The following GALNT13 variants were observed in gnomAD, a reference collection of about 807,000 sequenced individuals.
The protein encoded by GALNT13 is polypeptide N-acetylgalactosaminyltransferase 13.
Under a neutral mutation model 64.2 loss-of-function variants are expected in GALNT13, and 28 were observed. That is an observed-to-expected ratio of 0.44 (90% confidence interval 0.32 to 0.60). The LOEUF (loss-of-function observed/expected upper bound fraction) is 0.60, where lower values mean the gene tolerates loss of function less well. GALNT13 is among the 20% of genes least tolerant of loss of function. GALNT13 has a pLI of 0.05. For synonymous variants in GALNT13, 214 were observed against 224.6 expected (o/e 0.95, Z 0.42); for missense variants, 577 against 669.8 (o/e 0.86, Z 1.53).
At chr2:153,152,733 T>C in the GALNT13 span, among the ~76,000 whole-genome samples, 1 of 152,184 alleles carries the variant, frequency 6.6e-6, no homozygotes, top group Non-Finnish European at 1.5e-5. Flanking sequence ...GCAAAGGATA[T>C]GATCTCCTTC....
chr2:153,266,835 C>A, the GALNT13 span, among the ~76,000 whole-genome samples: 1 of 152,146 alleles, frequency 6.6e-6, no homozygotes, highest in Non-Finnish European at 1.5e-5. Context: ...GTTTCAAAAC[C>A]AATTATGCCT....
the GALNT13 span, among the ~76,000 whole-genome samples, chr2:153,623,448 G>C: frequency 1.3e-5 from 2 of 151,952 alleles, no homozygotes. Flanking sequence ...TATAAATGCC[G>C]CTCCATATAA....
At chr2:153,696,625 A>G in the GALNT13 span, among the ~76,000 whole-genome samples, 1 of 146,540 alleles carries the variant, frequency 6.8e-6, no homozygotes. Context: ...AATTACAACA[A>G]TATGTTGTAA....
At chr2:153,111,293 G>A in the GALNT13 span, among the ~76,000 whole-genome samples, 1 of 151,842 alleles carries the variant, frequency 6.6e-6, no homozygotes, top group Admixed American at 6.6e-5. Context: ...TGAAATACTA[G>A]GATAACAGTA....
intron 12 of GALNT13, among the ~76,000 whole-genome samples, chr2:154,444,941 G>T (rs866026439): frequency 1.3e-5 from 2 of 151,654 alleles, no homozygotes; most frequent in Non-Finnish European, 2.9e-5. Context: ...ATGAATAAAA[G>T]AATATTTTAT....
At chr2:154,175,534 A>AT (rs1377942333) in intron 4 of GALNT13, among the ~76,000 whole-genome samples, 1 of 152,122 alleles carries the variant, frequency 6.6e-6, no homozygotes, top group Admixed American at 6.6e-5. Flanking sequence ...CTTAGTGCTA[A>AT]TTTGGAACAA....
the GALNT13 span, among the ~76,000 whole-genome samples, chr2:153,376,981 A>C: frequency 1.3e-5 from 2 of 152,138 alleles, no homozygotes; most frequent in African/African-American, 4.8e-5. Flanking sequence ...ATTCCCTTCA[A>C]ATTCATATAT....
intron 3 of GALNT13, among the ~76,000 whole-genome samples, chr2:154,000,986 A>G (rs1027620823): frequency 2.0e-5 from 3 of 151,980 alleles, no homozygotes; most frequent in Admixed American, 1.3e-4. Context: ...TAGGATGCAT[A>G]CATGTTTACA....
At chr2:154,343,288 G>C (rs1695875248) in intron 9 of GALNT13, among the ~76,000 whole-genome samples, 1 of 152,044 alleles carries the variant, frequency 6.6e-6, no homozygotes, top group Admixed American at 6.6e-5. Context: ...TGCCTCAAGA[G>C]ATGGGAGCTA....
the GALNT13 span, among the ~76,000 whole-genome samples, chr2:153,506,648 A>G: frequency 6.6e-6 from 1 of 152,158 alleles, no homozygotes; most frequent in Non-Finnish European, 1.5e-5. Flanking sequence ...GTTTTGTTTA[A>G]GGAGGCTAAA....
chr2:153,401,481 T>C, the GALNT13 span, among the ~76,000 whole-genome samples: 6 of 149,106 alleles, frequency 4.0e-5, no homozygotes, highest in East Asian at 9.8e-4. Flanking sequence ...TGGGTATCCT[T>C]GTTGACTTTC....
chr2:153,251,078 T>C, the GALNT13 span, among the ~76,000 whole-genome samples: 1 of 152,146 alleles, frequency 6.6e-6, no homozygotes, highest in Non-Finnish European at 1.5e-5. Flanking sequence ...CTCAATCTTT[T>C]AGATAGTAGG....
the GALNT13 span, among the ~76,000 whole-genome samples, chr2:153,321,972 T>TTGTGTGTGTGTGTGTGTG: frequency 1.7e-4 from 25 of 149,312 alleles, no homozygotes; most frequent in East Asian, 2.0e-3. Flanking sequence ...GTGTGTAAAG[T>TTGTGTGTGTGTGTGTGTG]TGTGTGTGTG....
chr2:153,408,666 T>C, the GALNT13 span, among the ~76,000 whole-genome samples: 4 of 151,460 alleles, frequency 2.6e-5, no homozygotes, highest in African/African-American at 9.7e-5. Flanking sequence ...TTGTTTTTGT[T>C]TTTTTTTTGC....
the GALNT13 span, among the ~76,000 whole-genome samples, chr2:153,128,392 T>C: frequency 2.4e-4 from 37 of 152,054 alleles, no homozygotes; most frequent in African/African-American, 8.2e-4. Flanking sequence ...AAAACCATCA[T>C]ATCTTGTGAG....
At chr2:153,287,308 G>A in the GALNT13 span, among the ~76,000 whole-genome samples, 1 of 152,140 alleles carries the variant, frequency 6.6e-6, no homozygotes, top group Non-Finnish European at 1.5e-5. Flanking sequence ...CCGAAACCCC[G>A]GTGGGCGTGT....
chr2:154,382,176 A>G (rs1335098192), intron 9 of GALNT13, among the ~76,000 whole-genome samples: 1 of 152,056 alleles, frequency 6.6e-6, no homozygotes, highest in Non-Finnish European at 1.5e-5. Context: ...ATGGACACAG[A>G]GGGTTTGTTA....
intron 8 of GALNT13, among the ~76,000 whole-genome samples, chr2:154,291,747 A>G (rs1028670659): frequency 6.6e-6 from 1 of 152,228 alleles, no homozygotes; most frequent in Admixed American, 6.5e-5. Context: ...AGGGGCCCCC[A>G]CAGCACAGCG....
At chr2:153,764,089 G>A in the GALNT13 span, among the ~76,000 whole-genome samples, 20 of 152,196 alleles carry the variant, frequency 1.3e-4, 1 homozygote, top group Admixed American at 1.1e-3. Flanking sequence ...AGATGAAGAT[G>A]AGGAACTTGT....
Sources: allele counts gnomAD v4.1 joint callset (sites outside exome capture counted in the v4.1 genomes callset), GRCh38; gene constraint gnomAD v4.1.1; transcripts MANE v1.5; gene names NCBI Gene and HGNC (gene_info 2026-07-23, HGNC 2026-07-21).